Variants in NALF1 observed in about 807,000 individuals in gnomAD.
The protein encoded by NALF1 is NALCN channel auxiliary factor 1, also known as family with sequence similarity 155 member A.
A neutral mutation model predicts 48.4 loss-of-function variants in NALF1; 3 were observed. The observed-to-expected ratio is 0.06, with a 90% CI of 0.03 to 0.16. The LOEUF (loss-of-function observed/expected upper bound fraction) is 0.16, where lower values mean the gene tolerates loss of function less well. Ranked by LOEUF, NALF1 falls within the 10% of genes least tolerant of loss-of-function variation. NALF1 has a pLI of 1.00. For synonymous variants in NALF1, 262 were observed against 245.7 expected (o/e 1.07, Z -0.62); for missense variants, 526 against 571.5 (o/e 0.92, Z 0.81).
chr13:107,506,394 A>G (rs1875696238), intron 1 of NALF1, among the ~76,000 whole-genome samples: 1 of 152,188 alleles, frequency 6.6e-6, no homozygotes, highest in Admixed American at 6.5e-5. Flanking sequence ...TAAAATAAAT[A>G]GCATAATTGA....
rs9559123 is a variant in NALF1, at chr13:107,656,595, T to C, written c.915+209087A>G. 0.018 allele frequency among the ~76,000 whole-genome samples: 2,682 copies of C among 152,162 alleles called. 147 individuals are homozygous for C. The East Asian group carries it at 0.2, about 11-fold the overall frequency. On this transcript the variant is annotated intron_variant, in intron 1 of 2. Coordinates refer to ENST00000375915, the MANE Select transcript of NALF1 (RefSeq NM_001080396.3). ...CTGGTACAGCCACTATGGAAAACAA[T>C]AGGGGGATTCCTTAAAGAACTAAAA...
intron 1 of NALF1, among the ~76,000 whole-genome samples, chr13:107,732,701 A>C (rs1254781496): frequency 6.6e-6 from 1 of 152,192 alleles, no homozygotes; most frequent in Non-Finnish European, 1.5e-5. Flanking sequence ...GAATCTGTGA[A>C]TCTCATAGTG....
chr13:107,478,668 G>C (rs886902642), intron 1 of NALF1, among the ~76,000 whole-genome samples: 1 of 152,066 alleles, frequency 6.6e-6, no homozygotes, highest in African/African-American at 2.4e-5. Flanking sequence ...TTTCCATTCT[G>C]TGTTTAAACC....
intron 1 of NALF1, among the ~76,000 whole-genome samples, chr13:107,213,246 A>AAAAG (rs1555326880): frequency 3.4e-5 from 5 of 148,830 alleles, no homozygotes; most frequent in Non-Finnish European, 7.4e-5. Flanking sequence ...AAAAAAAAAA[A>AAAAG]AAAAGAAAAG....
chr13:107,421,462 T>A (rs1341768447), intron 1 of NALF1, among the ~76,000 whole-genome samples: 1 of 152,144 alleles, frequency 6.6e-6, no homozygotes, highest in African/African-American at 2.4e-5. Flanking sequence ...AAACAGTAAA[T>A]TATAAATGAG....
chr13:107,455,800 G>A (rs1884815111), intron 1 of NALF1, among the ~76,000 whole-genome samples: 2 of 151,570 alleles, frequency 1.3e-5, no homozygotes, highest in African/African-American at 2.4e-5. Flanking sequence ...CCTTCAGATT[G>A]TCTTCTTTCA....
intron 1 of NALF1, among the ~76,000 whole-genome samples, chr13:107,786,451 C>T (rs1218951982): frequency 7.4e-6 from 1 of 134,258 alleles, no homozygotes; most frequent in Non-Finnish European, 1.6e-5. Flanking sequence ...AAGCCGGGCG[C>T]GGTGGCTCAC....
At chr13:107,706,629 CG>C (rs1566451101) in intron 1 of NALF1, among the ~76,000 whole-genome samples, 85 of 152,218 alleles carry the variant, frequency 5.6e-4, no homozygotes, top group African/African-American at 1.9e-3. Context: ...AAAGCACTGT[CG>C]CTCAGAGAAA....
intron 1 of NALF1, among the ~76,000 whole-genome samples, chr13:107,783,195 G>GT (rs1409316075): frequency 7.9e-5 from 10 of 125,866 alleles, no homozygotes; most frequent in Non-Finnish European, 1.7e-4. Flanking sequence ...GGAGGTGGGG[G>GT]GTCAGTCCCC....
At chr13:107,283,608 C>T (rs977729888) in intron 1 of NALF1, among the ~76,000 whole-genome samples, 11 of 150,502 alleles carry the variant, frequency 7.3e-5, no homozygotes, top group East Asian at 5.9e-4. Flanking sequence ...TGAAGCAGAG[C>T]GGATCTTCAT....
chr13:107,179,238 A>G (rs1007341267), intron 2 of NALF1, among the ~76,000 whole-genome samples: 5 of 152,334 alleles, frequency 3.3e-5, no homozygotes, highest in African/African-American at 1.2e-4. Context: ...GGAGGTCATT[A>G]TGTTAAGTGA....
At chr13:107,858,887 A>T (rs1880500935) in intron 1 of NALF1, among the ~76,000 whole-genome samples, 1 of 152,158 alleles carries the variant, frequency 6.6e-6, no homozygotes, top group African/African-American at 2.4e-5. Flanking sequence ...CTAGGGCTTA[A>T]ATTTCTGGGT....
chr13:107,638,573 G>A (rs1924435), intron 1 of NALF1, among the ~76,000 whole-genome samples: 97,973 of 151,734 alleles, frequency 0.65, 32,352 homozygotes, highest in East Asian at 0.99. Flanking sequence ...CACAAAGTGA[G>A]CTTATTGCTG....
At chr13:107,716,492 G>C (rs1016057518) in intron 1 of NALF1, among the ~76,000 whole-genome samples, 7 of 152,194 alleles carry the variant, frequency 4.6e-5, no homozygotes, top group Non-Finnish European at 7.3e-5. Context: ...CTTGATGTGG[G>C]AGAGAATCTC....
chr13:107,751,998 A>G (rs1001648090), intron 1 of NALF1, among the ~76,000 whole-genome samples: 20 of 152,086 alleles, frequency 1.3e-4, no homozygotes, highest in African/African-American at 4.6e-4. Flanking sequence ...CAAATTTCAA[A>G]CATATTAATA....
Position 107,485,922 on chromosome 13 carries a change from C to T in NALF1, c.916-275167G>A, listed in dbSNP as rs374362755. 2.4e-4 allele frequency among the ~76,000 whole-genome samples: 36 copies of T among 152,312 alleles called. 1 individual carries two copies. The South Asian group carries it at 3.7e-3, about 16-fold the overall frequency. The stretch of plus-strand genomic sequence containing the variant: ...TCTCCATCACTTCTTTTCGTTAATT[C>T]TAAGATAATTACACTCTTGAGAAAA... On this transcript the variant is annotated intron_variant, in intron 1 of 2. Coordinates refer to ENST00000375915, the MANE Select transcript of NALF1 (RefSeq NM_001080396.3).
chr13:107,574,228 T>C (rs1383803639), intron 1 of NALF1, among the ~76,000 whole-genome samples: 1 of 152,200 alleles, frequency 6.6e-6, no homozygotes, highest in Non-Finnish European at 1.5e-5. Context: ...CATCAAAATA[T>C]AATCTTGAAT....
chr13:107,310,140 T>C (rs1206139654), intron 1 of NALF1, among the ~76,000 whole-genome samples: 1 of 152,138 alleles, frequency 6.6e-6, no homozygotes, highest in Non-Finnish European at 1.5e-5. Flanking sequence ...CTGGGTGTGG[T>C]GGCTCACGCC....
At chr13:107,502,531 A>T (rs1294422296) in intron 1 of NALF1, among the ~76,000 whole-genome samples, 1 of 152,176 alleles carries the variant, frequency 6.6e-6, no homozygotes, top group Non-Finnish European at 1.5e-5. Context: ...CCTGTTCCAC[A>T]TGGTTACCAT....
Sources: gnomAD v4.1 joint callset for allele counts (sites outside exome capture counted in the v4.1 genomes callset) on GRCh38, gnomAD v4.1.1 for gene constraint, MANE v1.5 for transcripts, NCBI Gene and HGNC (gene_info 2026-07-23, HGNC 2026-07-21) for gene names.